Variants in SNTB1 observed in about 807,000 individuals in gnomAD.
SNTB1 encodes syntrophin beta 1.
SNTB1 carries 36 observed loss-of-function variants against 48.9 expected under a neutral mutation model. The observed-to-expected ratio is 0.74, with a 90% CI of 0.56 to 0.97. SNTB1 has a LOEUF of 0.97. SNTB1 is among the 50% of genes least tolerant of loss of function. SNTB1 has a pLI of 0.00. For missense variants in SNTB1, 786 were observed against 703.4 expected (o/e 1.12, Z -1.33); for synonymous variants, 299 against 294.6 (o/e 1.01, Z -0.15).
chr8:120,754,148 AT>A (rs1311052663), intron 1 of SNTB1, among the ~76,000 whole-genome samples: 1 of 152,168 alleles, frequency 6.6e-6, no homozygotes, highest in African/African-American at 2.4e-5. Flanking sequence ...ATCACAGAGA[AT>A]AGAACCTGAA....
chr8:120,571,088 G>T, intron 4 of SNTB1: 1 of 662,510 alleles, frequency 1.5e-6, no homozygotes, highest in Non-Finnish European at 2.1e-6. Flanking sequence ...AATGTTGACT[G>T]ATGAATGAAT....
intron 1 of SNTB1, among the ~76,000 whole-genome samples, chr8:120,712,504 T>A (rs1818480818): frequency 6.6e-6 from 1 of 152,084 alleles, no homozygotes; most frequent in Non-Finnish European, 1.5e-5. Context: ...ACAATTCCTG[T>A]TACCAAACAA....
At chr8:120,541,084 TGC>T (rs940111598) in intron 6 of SNTB1, 10 of 152,328 alleles carry the variant, frequency 6.6e-5, no homozygotes, top group African/African-American at 2.4e-4. Flanking sequence ...GGATGACACT[TGC>T]TAGAGAGCAT....
intron 3 of SNTB1, among the ~76,000 whole-genome samples, chr8:120,603,993 C>A (rs994803822): frequency 1.3e-5 from 2 of 152,082 alleles, no homozygotes; most frequent in Non-Finnish European, 2.9e-5. Context: ...CAAAAGGAAT[C>A]CTGCTCTTCC....
At chr8:120,775,959 T>C (rs958387984) in intron 1 of SNTB1, among the ~76,000 whole-genome samples, 2 of 152,220 alleles carry the variant, frequency 1.3e-5, no homozygotes, top group Admixed American at 6.5e-5. Flanking sequence ...TAAAAATGTA[T>C]ACATGTGCCA....
chr8:120,588,639 T>C (rs1040519027), intron 3 of SNTB1, among the ~76,000 whole-genome samples: 2 of 152,194 alleles, frequency 1.3e-5, no homozygotes, highest in Admixed American at 1.3e-4. Flanking sequence ...TTATTTTCAC[T>C]GTGATCTTGA....
intron 4 of SNTB1, among the ~76,000 whole-genome samples, chr8:120,568,880 G>T (rs1303655773): frequency 6.6e-6 from 1 of 152,212 alleles, no homozygotes; most frequent in African/African-American, 2.4e-5. Flanking sequence ...GGGTAATTTG[G>T]GAGAGGGACA....
intron 1 of SNTB1, among the ~76,000 whole-genome samples, chr8:120,790,080 T>C (rs1819999319): frequency 6.6e-6 from 1 of 151,944 alleles, no homozygotes. Context: ...GAGGCCTGTT[T>C]CAACATGTGA....
In SNTB1 at chr8:120,536,115, T is replaced by C. The variant is rs575121506; in HGVS notation, c.*2762A>G. 6.6e-6 allele frequency: 1 copy of C among 152,310 alleles called. No individual in the cohort carries two copies. Among genetic ancestry groups the C allele is most frequent in the South Asian group, 2.1e-4 (1 of 4,822 alleles). 9.4% of individuals were successfully genotyped at this position (152,310 alleles called of 1,614,324 possible). A position where few individuals can be genotyped will look rare whatever the true frequency, so the allele number is the denominator to read the frequency against. ...TATGGTTTGGTTTCTCCTACTTAGT[T>C]CAAGTCAGAGAAAGAAAAACCAATA... is the stretch of plus-strand genomic sequence containing the variant. On this transcript the variant is annotated 3_prime_UTR_variant, in exon 7 of 7. Coordinates refer to ENST00000517992, the MANE Select transcript of SNTB1 (RefSeq NM_021021.4).
intron 3 of SNTB1, among the ~76,000 whole-genome samples, chr8:120,609,347 C>T (rs946195284): frequency 6.6e-6 from 1 of 152,142 alleles, no homozygotes; most frequent in Admixed American, 6.5e-5. Context: ...ATGAGTAGAC[C>T]AGGCGTAGGT....
chr8:120,644,933 A>G (rs1162158941), intron 2 of SNTB1, among the ~76,000 whole-genome samples: 4 of 151,920 alleles, frequency 2.6e-5, no homozygotes, highest in Non-Finnish European at 4.4e-5. Flanking sequence ...GCATTTTTTC[A>G]TGTGTTTTTT....
At chr8:120,555,804 G>A (rs917121938) in intron 4 of SNTB1, among the ~76,000 whole-genome samples, 5 of 152,074 alleles carry the variant, frequency 3.3e-5, no homozygotes, top group African/African-American at 4.8e-5. Context: ...CAACGGAACC[G>A]TGTTCTTATA....
At chr8:120,676,272 T>G (rs1817831807) in intron 2 of SNTB1, among the ~76,000 whole-genome samples, 1 of 152,228 alleles carries the variant, frequency 6.6e-6, no homozygotes, top group Admixed American at 6.5e-5. Flanking sequence ...GGTATACCTT[T>G]TCATTCAGTG....
chr8:120,793,710 T>C (rs1483851509), intron 1 of SNTB1, among the ~76,000 whole-genome samples: 2 of 152,064 alleles, frequency 1.3e-5, no homozygotes, highest in African/African-American at 4.8e-5. Flanking sequence ...TACATTGTTC[T>C]AACTAGTCAA....
intron 1 of SNTB1, among the ~76,000 whole-genome samples, chr8:120,789,312 T>A (rs191329085): frequency 5.9e-5 from 9 of 151,570 alleles, no homozygotes; most frequent in African/African-American, 1.9e-4. Context: ...ATTGATAATC[T>A]AATGTCATGC....
intron 4 of SNTB1, chr8:120,570,773 TCTG>T (rs1815830074): frequency 6.4e-6 from 1 of 156,514 alleles, no homozygotes; most frequent in Admixed American, 6.3e-5. Flanking sequence ...GTGCACGAGC[TCTG>T]TGCTTGGATC....
intron 1 of SNTB1, among the ~76,000 whole-genome samples, chr8:120,753,356 C>T (rs1156666389): frequency 6.6e-6 from 1 of 152,108 alleles, no homozygotes; most frequent in East Asian, 1.9e-4. Context: ...TGTCTTTGGT[C>T]TTCCAATGCC....
At chr8:120,613,209 G>A (rs1257109738) in intron 3 of SNTB1, among the ~76,000 whole-genome samples, 1 of 152,098 alleles carries the variant, frequency 6.6e-6, no homozygotes, top group African/African-American at 2.4e-5. Context: ...AAATTAGCCA[G>A]GCATGGTGGT....
intron 2 of SNTB1, among the ~76,000 whole-genome samples, chr8:120,650,976 C>T (rs747448637): frequency 2.6e-5 from 4 of 152,098 alleles, no homozygotes; most frequent in South Asian, 2.1e-4. Context: ...CCCTAAGCCT[C>T]GATTTCTTTA....
Sources: gnomAD v4.1 joint callset for allele counts (sites outside exome capture counted in the v4.1 genomes callset) on GRCh38, gnomAD v4.1.1 for gene constraint, MANE v1.5 for transcripts, NCBI Gene and HGNC (gene_info 2026-07-23, HGNC 2026-07-21) for gene names.